The following ICA1L variants were observed in gnomAD, a reference collection of about 807,000 sequenced individuals.
ICA1L encodes islet cell autoantigen 1-like protein.
A neutral mutation model predicts 61.3 loss-of-function variants in ICA1L; 50 were observed. The ratio of observed to expected loss-of-function variants is 0.82; its 90% CI spans 0.65 to 1.03. The LOEUF (loss-of-function observed/expected upper bound fraction) is 1.03, where lower values mean the gene tolerates loss of function less well. ICA1L is among the 50% of genes least tolerant of loss of function. ICA1L has a pLI of 0.00. For missense variants in ICA1L, 508 were observed against 556.7 expected (o/e 0.91, Z 0.88); for synonymous variants, 161 against 191.3 (o/e 0.84, Z 1.31).
chr2:202,802,129 A>C (rs531371281), intron 9 of ICA1L, among the ~76,000 whole-genome samples: 69 of 152,314 alleles, frequency 4.5e-4, no homozygotes, highest in Non-Finnish European at 9.1e-4. Flanking sequence ...CAAATTAATA[A>C]AACAACAAAT....
intron 1 of ICA1L, among the ~76,000 whole-genome samples, chr2:202,839,938 A>G (rs74845106): frequency 0.024 from 3,598 of 152,160 alleles, 150 homozygotes; most frequent in African/African-American, 0.083. Flanking sequence ...TAAGCTGATT[A>G]CAACTTAACT....
intron 9 of ICA1L, among the ~76,000 whole-genome samples, chr2:202,809,851 G>C (rs2105841766): frequency 6.6e-6 from 1 of 152,154 alleles, no homozygotes; most frequent in South Asian, 2.1e-4. Context: ...CTAGAAGATA[G>C]CCTCAGAAGG....
chr2:202,817,899 T>C (rs1490528840), intron 5 of ICA1L, among the ~76,000 whole-genome samples: 1 of 152,324 alleles, frequency 6.6e-6, no homozygotes, highest in South Asian at 2.1e-4. Context: ...GGGGACCTCG[T>C]TAAAGCACTG....
intron 9 of ICA1L, among the ~76,000 whole-genome samples, chr2:202,800,815 T>C (rs1364830807): frequency 6.6e-6 from 1 of 151,980 alleles, no homozygotes; most frequent in Non-Finnish European, 1.5e-5. Flanking sequence ...TAAAAAAAGG[T>C]AAAAACAACC....
At chr2:202,850,629 T>C (rs1052941343) in intron 1 of ICA1L, among the ~76,000 whole-genome samples, 15 of 152,124 alleles carry the variant, frequency 9.9e-5, no homozygotes. Flanking sequence ...TCAAGAAATA[T>C]GGGACTATGT....
At chr2:202,861,171 G>C (rs1020920383) in intron 1 of ICA1L, among the ~76,000 whole-genome samples, 2 of 152,144 alleles carry the variant, frequency 1.3e-5, no homozygotes, top group African/African-American at 4.8e-5. Flanking sequence ...AGGTTACAGT[G>C]AGCTGAGATT....
intron 1 of ICA1L, among the ~76,000 whole-genome samples, chr2:202,851,594 T>C (rs569612045): frequency 1.1e-3 from 171 of 152,318 alleles, no homozygotes; most frequent in Non-Finnish European, 2.2e-3. Flanking sequence ...CACACTGTCT[T>C]CCAAAATGGT....
chr2:202,802,701 A>C (rs1185389732), intron 9 of ICA1L, among the ~76,000 whole-genome samples: 2 of 152,108 alleles, frequency 1.3e-5, no homozygotes, highest in African/African-American at 4.8e-5. Context: ...ATGAACTCAC[A>C]ATGAAGATCT....
intron 1 of ICA1L, among the ~76,000 whole-genome samples, chr2:202,830,254 A>G (rs1356476059): frequency 6.6e-6 from 1 of 152,046 alleles, no homozygotes; most frequent in African/African-American, 2.4e-5. Context: ...CTAAAATACA[A>G]AAAATTAGCC....
At chr2:202,790,222 G>GA (rs1391533257) in intron 10 of ICA1L, among the ~76,000 whole-genome samples, 1 of 151,962 alleles carries the variant, frequency 6.6e-6, no homozygotes, top group Non-Finnish European at 1.5e-5. Context: ...ATGAACAAAG[G>GA]AAAAATCCCA....
rs1212814185 is a variant in ICA1L, at chr2:202,840,813, G to A, written c.-7-11797C>T. On this transcript the variant is annotated intron_variant, in intron 1 of 12. Transcript: ENST00000358299. ...TCCAGGGAAACTCTCTGGCCTTTGA[G>A]GCCCTCAATCTCAGCCTGGAGCTGG... The A allele has an allele frequency of 8.2e-6, 5 of 610,346 alleles. No homozygotes were observed. The African/African-American group carries it at 9.1e-5, about 11-fold the overall frequency. 37.8% of individuals were successfully genotyped at this position (610,346 alleles called of 1,614,324 possible).
In ICA1L at chr2:202,853,672, C is replaced by A. The variant is rs547696776; in HGVS notation, c.-8+17947G>T. Among the ~76,000 whole-genome samples, 125 of 152,018 alleles carry A rather than the reference C, an allele frequency of 8.2e-4. 1 individual carries two copies. The highest frequency in any genetic ancestry group is 7.8e-3 in the Admixed American group (119 of 15,250). On this transcript the variant is annotated intron_variant, in intron 1 of 12. Coordinates refer to ENST00000358299, the MANE Select transcript of ICA1L (RefSeq NM_001288622.3). ...CAAACAAATTTACAAGAAAAAAAAA[C>A]CCCATCAAAAAGTGGGCAAAGAATA...
chr2:202,840,497 C>T (rs1489723853), intron 1 of ICA1L: 3 of 524,520 alleles, frequency 5.7e-6, no homozygotes, highest in South Asian at 4.3e-5. Flanking sequence ...GCTTGTGAGA[C>T]CCTCATAGGC....
intron 1 of ICA1L, among the ~76,000 whole-genome samples, chr2:202,846,508 G>C (rs1323848955): frequency 6.6e-6 from 1 of 151,944 alleles, no homozygotes. Context: ...ACTCCTTTTT[G>C]GGCTCGATTA....
chr2:202,795,871 A>G (rs773173091), intron 10 of ICA1L, among the ~76,000 whole-genome samples: 38 of 151,070 alleles, frequency 2.5e-4, no homozygotes, highest in Non-Finnish European at 8.9e-5. Context: ...ATGAAACCCC[A>G]TCTCTACTAA....
chr2:202,814,876 T>C (rs1693487150), intron 7 of ICA1L, 92 bp from the exon 8 acceptor site: 5 of 865,530 alleles, frequency 5.8e-6, no homozygotes, highest in African/African-American at 1.7e-5. Flanking sequence ...TAAAGAACCA[T>C]ATGAAATAGG....
At position 202,779,619 on chromosome 2, in the gene ICA1L, C is replaced by T; in HGVS notation, c.1363G>A (p.Ala455Thr). ...AAGTCTGCAAACAGATTGAACCAGG[C>T]TGACATGTCTTGGTTGCCATTGTTG... Reference protein sequence around the residue: ...SPNNGNQDMSAWFNLFADLDP... With the variant: ...SPNNGNQDMSTWFNLFADLDP... Residue 455 changes from alanine (A) to threonine (T), a missense_variant, in exon 13 of 13, where the codon GCC becomes ACC. Ala to Thr is a moderately conservative substitution (Grantham distance 58). Coordinates refer to ENST00000358299, the MANE Select transcript of ICA1L (RefSeq NM_001288622.3). 1 of 1,611,742 alleles carries T rather than the reference C, an allele frequency of 6.2e-7. No homozygotes were observed. Among genetic ancestry groups the T allele is most frequent in the Non-Finnish European group, 8.5e-7 (1 of 1,179,068 alleles).
rs750359922 is a variant in ICA1L, at chr2:202,821,413, C to G, written c.304G>C (p.Ala102Pro). ...CCAGTGGCATCCATCATTTTGCCAG[C>G]TTGAGTTGCATCCCGTTCTGCTTGA... ...KFQAERDATQAGKMMDATGKA... is the reference protein window; with the variant it reads ...KFQAERDATQPGKMMDATGKA... The change falls in exon 4 of 13, where the codon GCT becomes CCT. Residue 102 changes from alanine to proline, a missense_variant. Physicochemically the swap from Ala to Pro is conservative, Grantham distance 27. Transcript: ENST00000358299. The G allele has an allele frequency of 6.2e-7, 1 of 1,613,514 alleles. No individual in the cohort carries two copies. The highest frequency in any genetic ancestry group is 8.5e-7 in the Non-Finnish European group (1 of 1,179,766).
rs1310612210 is a variant in ICA1L at position 202,838,183 on chromosome 2, TTTC to T, written c.-7-9170_-7-9168del. On this transcript the variant is annotated intron_variant, in intron 1 of 12. Transcript: ENST00000358299. Reference sequence around the variant, plus strand: ...AAGATTTTTAAAATTTCCTTTTAAATTTCTTTTTTGACACGTTTGTTGTTTAGG... The same window carrying T: ...AAGATTTTTAAAATTTCCTTTTAAATTTTTTTGACACGTTTGTTGTTTAGG... 5.9e-5 allele frequency among the ~76,000 whole-genome samples: 9 copies of T among 152,340 alleles called. No homozygotes were observed. The East Asian group carries it at 1.7e-3, about 29-fold the overall frequency.
Sources: gnomAD v4.1 joint callset for allele counts (sites outside exome capture counted in the v4.1 genomes callset) on GRCh38, gnomAD v4.1.1 for gene constraint, MANE v1.5 for transcripts, NCBI Gene and HGNC (gene_info 2026-07-23, HGNC 2026-07-21) for gene names.